GREB1: variants seen among roughly 807,000 people sequenced by gnomAD.
GREB1 encodes growth regulating estrogen receptor binding 1, also known as protein GREB1.
A neutral mutation model predicts 200.7 loss-of-function variants in GREB1; 106 were observed. The observed-to-expected ratio is 0.53, with a 90% CI of 0.45 to 0.62. GREB1 has a LOEUF of 0.62. Among genes scored for constraint, GREB1 ranks in the 20% least tolerant of loss-of-function variants. GREB1 has a pLI of 0.00. For missense variants in GREB1, 2,243 were observed against 2,556.8 expected, an observed-to-expected ratio of 0.88 and a Z score of 2.65; for synonymous variants, 1,132 against 1,092.4, an observed-to-expected ratio of 1.04 and a Z score of -0.72.
At chr2:11,608,371 C>T (rs568625426) in intron 17 of GREB1, among the ~76,000 whole-genome samples, 1 of 152,108 alleles carries the variant, frequency 6.6e-6, no homozygotes, top group Non-Finnish European at 1.5e-5. Context: ...ATTCCTAGGT[C>T]AGTTTCTACT....
intron 1 of GREB1, among the ~76,000 whole-genome samples, chr2:11,517,882 T>C (rs926415846): frequency 1.3e-5 from 2 of 152,192 alleles, no homozygotes; most frequent in Non-Finnish European, 2.9e-5. Context: ...CTCGATCTCC[T>C]GACGTCGTGA....
At chr2:11,615,352 C>G in intron 20 of GREB1, 62 bp downstream of exon 20, 1 of 1,403,246 alleles carries the variant, frequency 7.1e-7, no homozygotes, top group Non-Finnish European at 9.8e-7. Context: ...GGCTTCTGAG[C>G]TTTGAGGCTG....
rs374550995 is a variant in GREB1 at position 11,487,976 on chromosome 2, G to A, written c.-159+5595G>A. The stretch of plus-strand genomic sequence containing the variant: ...ACCATACTTATTTAGTTTTGACCTC[G>A]ACAGAGGTGGTTCGCCTCTCGGGGC... On this transcript the variant is annotated intron_variant, in intron 1 of 2. Coordinates refer to the GREB1 transcript ENST00000628795. 9.5e-4 allele frequency among the ~76,000 whole-genome samples: 145 copies of A among 152,228 alleles called. 2 individuals are homozygous for A. The South Asian group carries it at 0.015, about 16-fold the overall frequency.
chr2:11,572,607 T>C (rs1365910611), intron 4 of GREB1, among the ~76,000 whole-genome samples: 1 of 152,084 alleles, frequency 6.6e-6, no homozygotes, highest in Non-Finnish European at 1.5e-5. Context: ...TCTCACACTG[T>C]TGTGGGGGGC....
intron 1 of GREB1, among the ~76,000 whole-genome samples, chr2:11,483,860 C>A (rs979990743): frequency 9.9e-5 from 15 of 152,170 alleles, no homozygotes; most frequent in African/African-American, 3.6e-4. Flanking sequence ...AAAAGAACTA[C>A]TTACTTTGTA....
intron 4 of GREB1, among the ~76,000 whole-genome samples, chr2:11,566,903 A>G (rs1677727745): frequency 6.6e-6 from 1 of 152,162 alleles, no homozygotes; most frequent in Admixed American, 6.5e-5. Flanking sequence ...TCATACATTT[A>G]TTCCTCAAAC....
chr2:11,591,366 TA>T, intron 10 of GREB1: 1 of 732,710 alleles, frequency 1.4e-6, no homozygotes, highest in Non-Finnish European at 2.6e-6. Context: ...ACCCACCTTC[TA>T]AATGGAAGCC....
At position 11,592,916 on chromosome 2, in the gene GREB1, G is replaced by A; in HGVS notation, c.1486G>A (p.Val496Met). 2.5e-6 allele frequency: 4 copies of A among 1,586,958 alleles called. No homozygotes were observed. Among genetic ancestry groups the A allele is most frequent in the South Asian group, 1.1e-5 (1 of 88,112 alleles). Residue 496 changes from valine to methionine, a missense_variant, in exon 11 of 33, where the codon GTG (valine) becomes ATG (methionine). Coordinates refer to ENST00000381486, the MANE Select transcript of GREB1 (RefSeq NM_014668.4). ...GCCCGCGCCCAGCGCCGCGGCACCC[G>A]TGACCTCCGCGCAGCTGCCCTGGCT... ...FPPAPSAAAPVTSAQLPWLAS... is the reference protein window; with the variant it reads ...FPPAPSAAAPMTSAQLPWLAS...
At chr2:11,623,301 G>A (rs1254209028) in intron 23 of GREB1, among the ~76,000 whole-genome samples, 1 of 152,182 alleles carries the variant, frequency 6.6e-6, no homozygotes, top group Admixed American at 6.5e-5. Flanking sequence ...CATAGCACTT[G>A]ATAATTATAA....
chr2:11,491,774 C>T (rs1429733927), intron 1 of GREB1, among the ~76,000 whole-genome samples: 1 of 152,186 alleles, frequency 6.6e-6, no homozygotes, highest in Non-Finnish European at 1.5e-5. Flanking sequence ...GTGGCTTAAC[C>T]TTCTAGTTCC....
chr2:11,543,014 G>C (rs1674911852), intron 1 of GREB1, among the ~76,000 whole-genome samples: 1 of 152,154 alleles, frequency 6.6e-6, no homozygotes, highest in Admixed American at 6.5e-5. Flanking sequence ...GTAACCTTAA[G>C]CATGTGGTCT....
intron 1 of GREB1, among the ~76,000 whole-genome samples, chr2:11,501,608 G>C (rs1259123058): frequency 6.6e-6 from 1 of 151,934 alleles, no homozygotes; most frequent in Admixed American, 6.6e-5. Context: ...TGGCCAGGCT[G>C]GTCTCGAACT....
chr2:11,601,146 C>G lies in GREB1; in HGVS notation c.2529+151C>G, dbSNP rs558570356. ...TTCAACCCAGAGTTAGGTTGTAAAC[C>G]CTTCTTGGTCTTTTTGGTAACCTTC... On this transcript the variant is annotated intron_variant, in intron 16 of 32. Transcript: ENST00000381486. 11 of 624,986 alleles carry G rather than the reference C, an allele frequency of 1.8e-5. No individual in the cohort carries two copies. The South Asian group carries it at 2.6e-4, about 15-fold the overall frequency. 38.7% of individuals were successfully genotyped at this position (624,986 alleles called of 1,614,324 possible). A position where few individuals can be genotyped will look rare whatever the true frequency, so the allele number is the denominator to read the frequency against.
rs570924595 is a variant in GREB1 at position 11,600,011 on chromosome 2, G to A, written c.2334-789G>A. On this transcript the variant is annotated intron_variant, in intron 15 of 32. Transcript: ENST00000381486. ...CCACTGATGTAGATGAGGAAGGAGG[G>A]GGCTCCTGGGCCAGGTCGTGGAGAA... 3.7e-4 allele frequency among the ~76,000 whole-genome samples: 56 copies of A among 152,204 alleles called. 1 individual carries two copies. The highest frequency in any genetic ancestry group is 7.3e-4 in the Non-Finnish European group (50 of 68,038).
chr2:11,509,065 C>T (rs935464796), intron 1 of GREB1, among the ~76,000 whole-genome samples: 145 of 151,718 alleles, frequency 9.6e-4, no homozygotes, highest in African/African-American at 3.3e-3. Context: ...TTAGTAGAGA[C>T]GGGGTTTCAC....
chr2:11,510,436 G>A (rs1673317366), intron 1 of GREB1, among the ~76,000 whole-genome samples: 3 of 152,066 alleles, frequency 2.0e-5, no homozygotes. Flanking sequence ...ATTTCATTAG[G>A]GGTTGTAAAA....
intron 1 of GREB1, among the ~76,000 whole-genome samples, chr2:11,506,018 A>T (rs1390546912): frequency 2.0e-5 from 3 of 152,234 alleles, no homozygotes; most frequent in Non-Finnish European, 4.4e-5. Flanking sequence ...TAATGGTTCT[A>T]CAGTGAAGGA....
chr2:11,538,692 TCCTCCCTC>T (rs1184752887), intron 1 of GREB1, among the ~76,000 whole-genome samples: 4 of 81,082 alleles, frequency 4.9e-5, no homozygotes, highest in South Asian at 7.9e-4. Context: ...TTTCTTTCCT[TCCTCCCTC>T]CCTCCCTCCC....
intron 1 of GREB1, among the ~76,000 whole-genome samples, chr2:11,485,074 G>A (rs1244824492): frequency 6.6e-6 from 1 of 152,058 alleles, no homozygotes; most frequent in Non-Finnish European, 1.5e-5. Context: ...TGATCTGCCC[G>A]CCTCGGCCTC....
Sources: allele counts gnomAD v4.1 joint callset (sites outside exome capture counted in the v4.1 genomes callset), GRCh38; gene constraint gnomAD v4.1.1; transcripts MANE v1.5; gene names NCBI Gene and HGNC (gene_info 2026-07-23, HGNC 2026-07-21).